The following TTC7B variants were observed in gnomAD, a reference collection of about 807,000 sequenced individuals.
TTC7B encodes the protein tetratricopeptide repeat domain 7B, also known as tetratricopeptide repeat protein 7B.
Under a neutral mutation model 106.8 loss-of-function variants are expected in TTC7B, and 28 were observed. The observed-to-expected ratio is 0.26, with a 90% confidence interval of 0.19 to 0.36. The LOEUF (loss-of-function observed/expected upper bound fraction) is 0.36, where lower values mean the gene tolerates loss of function less well. Among genes scored for constraint, TTC7B ranks in the 10% least tolerant of loss-of-function variants. TTC7B has a pLI of 1.00. For missense variants in TTC7B, 862 were observed against 1,076.4 expected (o/e 0.80, Z 2.79); for synonymous variants, 405 against 430.6 (o/e 0.94, Z 0.74).
chr14:90,787,455 C>T (rs1891432247), intron 1 of TTC7B, among the ~76,000 whole-genome samples: 1 of 152,126 alleles, frequency 6.6e-6, no homozygotes, highest in South Asian at 2.1e-4. Context: ...TATCTTAAGG[C>T]CATGATAGTA....
At position 90,534,346 on chromosome 14, in the gene TTC7B, G is replaced by A. The variant is rs1889361401; in HGVS notation, c.*7022C>T. ...TGGGGCTCGGCCCATTTTCCTGTGT[G>A]GGGTCCTCAGGCCCAGTGCGGCTGC... On this transcript the variant is annotated 3_prime_UTR_variant, in exon 20 of 20. Coordinates refer to ENST00000328459, the MANE Select transcript of TTC7B (RefSeq NM_001010854.2). 6.7e-6 allele frequency: 1 copy of A among 148,280 alleles called. No homozygotes were observed. The highest frequency in any genetic ancestry group is 2.1e-4 in the South Asian group (1 of 4,834). 9.2% of individuals were successfully genotyped at this position (148,280 alleles called of 1,614,324 possible).
At position 90,608,516 on chromosome 14, in the gene TTC7B, G is replaced by A. The variant is rs141507480; in HGVS notation, c.1966+2226C>T. On this transcript the variant is annotated intron_variant, in intron 17 of 19. Coordinates refer to ENST00000328459, the MANE Select transcript of TTC7B (RefSeq NM_001010854.2). This position sits in a 1 kb window ranked among gnomAD's most constrained non-coding sequence, Gnocchi z 5.1. The stretch of plus-strand genomic sequence containing the variant: ...TTGTTGAGGAAGGGCATAGGAGCCC[G>A]CGGTCCTGACTCCAAACACCTAGGC... 2.5e-4 allele frequency among the ~76,000 whole-genome samples: 38 copies of A among 152,282 alleles called. No individual in the cohort carries two copies. In the East Asian group the frequency reaches 3.5e-3, roughly 14 times the overall value.
chr14:90,541,362 G>A lies in TTC7B; in HGVS notation c.*6C>T, dbSNP rs370951950. ...TGAGCGGCAGGTGAGGCTGGCAGGC[G>A]CCTGCTCAGAGCACGCGGGGGATGA... On this transcript the variant is annotated 3_prime_UTR_variant, in exon 20 of 20. Coordinates refer to ENST00000328459, the MANE Select transcript of TTC7B (RefSeq NM_001010854.2). 195 of 1,579,698 alleles carry A rather than the reference G, an allele frequency of 1.2e-4. No homozygotes were observed. The highest frequency in any genetic ancestry group is 1.5e-4 in the Non-Finnish European group (176 of 1,163,914).
Position 90,759,231 on chromosome 14 carries a change from G to A in TTC7B, c.446-14309C>T, listed in dbSNP as rs753266914. Reference sequence around the variant, plus strand: ...ATCTGTGTTCTGCTCCCGCCCCCGAGAGAGTTCTGAGCTTTCCAAATATGG... The same window carrying A: ...ATCTGTGTTCTGCTCCCGCCCCCGAAAGAGTTCTGAGCTTTCCAAATATGG... On this transcript the variant is annotated intron_variant, in intron 3 of 19. Transcript: ENST00000328459. This position sits in a 1 kb window ranked among gnomAD's most constrained non-coding sequence, Gnocchi z 4.1. 3.3e-5 allele frequency among the ~76,000 whole-genome samples: 5 copies of A among 152,170 alleles called. No homozygotes were observed. The highest frequency in any genetic ancestry group is 7.3e-5 in the Non-Finnish European group (5 of 68,034).
At position 90,734,250 on chromosome 14, in the gene TTC7B, C is replaced by T. The variant is rs546797470; in HGVS notation, c.577-4054G>A. Among the ~76,000 whole-genome samples the T allele has an allele frequency of 2.0e-5, 3 of 152,148 alleles. No homozygotes were observed. The East Asian group carries it at 5.8e-4, about 29-fold the overall frequency. On this transcript the variant is annotated intron_variant, in intron 4 of 19. Transcript: ENST00000328459. ...CCTGGCCAACATGGCAAAACCCCGT[C>T]TCTACTAAAAATACAAAAACTTAGC...
At chr14:90,598,474 G>A (rs957675635) in intron 17 of TTC7B, among the ~76,000 whole-genome samples, 35 of 152,160 alleles carry the variant, frequency 2.3e-4, no homozygotes, top group South Asian at 8.3e-4. Flanking sequence ...GGGTAAGGAG[G>A]GGGGAAGGCA....
rs1398976145 is a variant in TTC7B, at chr14:90,689,856, G to T, written c.778-144C>A. On this transcript the variant is annotated intron_variant, in intron 6 of 19. Coordinates refer to ENST00000328459, the MANE Select transcript of TTC7B (RefSeq NM_001010854.2). ...AATTAAAAATTTTTCCTTTACGATG[G>T]TAATCATACCAGTTTATGACAAGAA... is the stretch of plus-strand genomic sequence containing the variant. 4 of 813,232 alleles carry T rather than the reference G, an allele frequency of 4.9e-6. No individual in the cohort carries two copies. In the South Asian group the frequency reaches 8.9e-5, roughly 18 times the overall value. 50.4% of individuals were successfully genotyped at this position (813,232 alleles called of 1,614,324 possible).
At chr14:90,633,514 T>A (rs975617583) in intron 15 of TTC7B, among the ~76,000 whole-genome samples, 13 of 152,310 alleles carry the variant, frequency 8.5e-5, no homozygotes, top group African/African-American at 3.1e-4. Flanking sequence ...ATCTAATATA[T>A]ATTCCAAAGA....
intron 1 of TTC7B, among the ~76,000 whole-genome samples, chr14:90,788,317 C>T (rs1891459544): frequency 6.6e-6 from 1 of 152,178 alleles, no homozygotes; most frequent in Admixed American, 6.5e-5. Context: ...AAGCAGCTTC[C>T]TCCCAGACAC....
intron 5 of TTC7B, among the ~76,000 whole-genome samples, chr14:90,714,667 G>C (rs955119213): frequency 3.9e-5 from 6 of 152,010 alleles, no homozygotes; most frequent in Non-Finnish European, 8.8e-5. Flanking sequence ...ATGCTGGCCA[G>C]GCTGGTCTTG....
intron 10 of TTC7B, 114 bp downstream of exon 10, chr14:90,658,190 G>T: frequency 1.1e-6 from 1 of 879,898 alleles, no homozygotes; most frequent in Non-Finnish European, 1.8e-6. Flanking sequence ...TAGTTTCTCA[G>T]AGTGGCTCGA....
intron 5 of TTC7B, among the ~76,000 whole-genome samples, chr14:90,728,590 T>C (rs1889204306): frequency 6.6e-6 from 1 of 152,240 alleles, no homozygotes; most frequent in Non-Finnish European, 1.5e-5. Flanking sequence ...TATTATTTTT[T>C]AGTTGGATTC....
At chr14:90,647,945 G>A (rs995769236) in intron 13 of TTC7B, among the ~76,000 whole-genome samples, 2 of 152,004 alleles carry the variant, frequency 1.3e-5, no homozygotes, top group Admixed American at 6.6e-5. Context: ...TCTTCTACCA[G>A]CAGAAAACAA....
intron 1 of TTC7B, 96 bp from the exon 2 acceptor site, chr14:90,786,424 C>T: frequency 1.4e-6 from 2 of 1,467,670 alleles, no homozygotes; most frequent in Non-Finnish European, 1.9e-6. Context: ...CCCTCCGAGG[C>T]TCCAGGCCCC....
At chr14:90,717,088 C>A (rs1308930643) in intron 5 of TTC7B, among the ~76,000 whole-genome samples, 2 of 152,056 alleles carry the variant, frequency 1.3e-5, no homozygotes, top group African/African-American at 4.8e-5. Context: ...GCCTGTAATC[C>A]CAGCACTTTG....
At chr14:90,768,880 TA>T (rs1274938331) in intron 3 of TTC7B, among the ~76,000 whole-genome samples, 2 of 152,242 alleles carry the variant, frequency 1.3e-5, no homozygotes, top group African/African-American at 4.8e-5. Context: ...AATATATTTT[TA>T]AAATTATTAC....
chr14:90,739,123 C>A (rs947607703), intron 4 of TTC7B, among the ~76,000 whole-genome samples: 1 of 152,196 alleles, frequency 6.6e-6, no homozygotes, highest in Admixed American at 6.5e-5. Context: ...GTTTTCACTG[C>A]GTTGTAACCT....
At position 90,593,558 on chromosome 14, in the gene TTC7B, G is replaced by A. The variant is rs781475224; in HGVS notation, c.2035C>T (p.Leu679=). 2 of 1,612,674 alleles carry A rather than the reference G, an allele frequency of 1.2e-6. No individual in the cohort carries two copies. Among genetic ancestry groups the A allele is most frequent in the African/African-American group, 1.3e-5 (1 of 74,916 alleles). Residue 679 remains leucine (L), a synonymous_variant, in exon 18 of 20, where the codon CTG becomes TTG. Coordinates refer to ENST00000328459, the MANE Select transcript of TTC7B (RefSeq NM_001010854.2). ...EQALSEVASS[L]QSSAPKQGPL... ...CCCTGCTTAGGGGCACTGCTCTGCAGAGACGAAGCCACTTCCGACAGTGCC... is the reference window on the plus strand; with the variant it reads ...CCCTGCTTAGGGGCACTGCTCTGCAAAGACGAAGCCACTTCCGACAGTGCC...
intron 18 of TTC7B, 144 bp downstream of exon 18, chr14:90,593,342 C>G: frequency 3.3e-6 from 4 of 1,222,406 alleles, no homozygotes; most frequent in Non-Finnish European, 4.3e-6. Context: ...CATTTTGGTG[C>G]ATGGCCGTGA....
Sources: gnomAD v4.1 joint callset for allele counts (sites outside exome capture counted in the v4.1 genomes callset) on GRCh38, gnomAD v4.1.1 for gene constraint, Gnocchi (gnomAD v3.1) non-coding constraint, MANE v1.5 for transcripts, NCBI Gene and HGNC (gene_info 2026-07-23, HGNC 2026-07-21) for gene names.